HGSNAT: variants seen among roughly 807,000 people sequenced by gnomAD.
The protein encoded by HGSNAT is heparan-alpha-glucosaminide N-acetyltransferase.
HGSNAT carries 59 observed loss-of-function variants against 85.2 expected under a neutral mutation model. The observed-to-expected ratio is 0.69, with a 90% confidence interval of 0.56 to 0.86. The LOEUF is 0.86. Among genes scored for constraint, HGSNAT ranks in the 40% least tolerant of loss-of-function variants. HGSNAT has a pLI of 0.00. For missense variants in HGSNAT, 756 were observed against 777.1 expected (o/e 0.97, Z 0.32); for synonymous variants, 321 against 304.5 (o/e 1.05, Z -0.56).
At position 43,158,625 on chromosome 8, in the gene HGSNAT, G is replaced by A. The variant is rs752466254; in HGVS notation, c.285G>A (p.Lys95=). The A allele has an allele frequency of 1.1e-5, 18 of 1,613,878 alleles. No homozygotes were observed. The highest frequency in any genetic ancestry group is 1.6e-4 in the Middle Eastern group (1 of 6,084). Residue 95 remains lysine (K), a synonymous_variant, in exon 3 of 18, where the codon AAG becomes AAA. Coordinates refer to ENST00000379644, the MANE Select transcript of HGSNAT (RefSeq NM_152419.3). ...TTCCTCAGAGTCCAAAAGCAGGGAA[G>A]CCTAGTGCTGCAGCTGCCTCTGTCA... ...VNVPQSPKAG[K]PSAAAASVST... is the part of the protein sequence containing the mutation.
In HGSNAT at chr8:43,158,720, C is replaced by T. The variant is rs1180753142; in HGVS notation, c.371+9C>T. On this transcript the variant is annotated intron_variant, in intron 3 of 17. Transcript: ENST00000379644. ...GAGAAAGAAGTTTGTAGGTTTGTGC[C>T]TGCTTTGTTGTGATCTAAGTGAAGT... 2 of 1,594,338 alleles carry T rather than the reference C, an allele frequency of 1.3e-6. No homozygotes were observed.
intron 1 of HGSNAT, among the ~76,000 whole-genome samples, 162 bp downstream of exon 1, chr8:43,140,776 A>G (rs1490207548): frequency 1.3e-5 from 2 of 151,866 alleles, no homozygotes; most frequent in Admixed American, 6.6e-5. Context: ...CGCGCCCCAG[A>G]CCGGAGGCCG....
At position 43,178,139 on chromosome 8, in the gene HGSNAT, C is replaced by A; in HGVS notation, c.917C>A (p.Ser306Ter). 1 of 1,607,246 alleles carries A rather than the reference C, an allele frequency of 6.2e-7. No individual in the cohort carries two copies. The change falls in exon 10 of 18, where the codon TCA (serine) becomes TAA (stop). Residue 306 changes from serine (S) to a stop codon, truncating the protein, a stop_gained. Coordinates refer to ENST00000379644, the MANE Select transcript of HGSNAT (RefSeq NM_152419.3). LOFTEE classifies it high-confidence loss of function. ...ACTTCTATACTGCAACGGGGGTGTT[C>A]AAAATTCAGATTGCTGGGGAAGATT... Reference protein sequence around the residue: ...SMTSILQRGCSKFRLLGKIAW... With the variant: ...SMTSILQRGC
At chr8:43,172,263 T>G in intron 7 of HGSNAT, 47 bp from the exon 8 acceptor site, 2 of 1,369,886 alleles carry the variant, frequency 1.5e-6, no homozygotes, top group African/African-American at 1.4e-5. Flanking sequence ...GCCCTTCCTT[T>G]TCACATAGCA....
intron 5 of HGSNAT, among the ~76,000 whole-genome samples, chr8:43,161,972 G>A (rs1441457613): frequency 2.0e-5 from 3 of 152,216 alleles, no homozygotes; most frequent in African/African-American, 4.8e-5. Context: ...TCTGGACCTC[G>A]CACGGACTCC....
At chr8:43,144,032 T>G (rs1369264210) in intron 1 of HGSNAT, among the ~76,000 whole-genome samples, 2 of 152,078 alleles carry the variant, frequency 1.3e-5, no homozygotes, top group African/African-American at 4.8e-5. Context: ...AAGATTTTAC[T>G]CTTGGGCCCG....
Position 43,158,731 on chromosome 8 carries a change from T to C in HGSNAT, c.371+20T>C. ...TTGTAGGTTTGTGCCTGCTTTGTTG[T>C]GATCTAAGTGAAGTCTGCATTTTCT... On this transcript the variant is annotated intron_variant, in intron 3 of 17. Coordinates refer to ENST00000379644, the MANE Select transcript of HGSNAT (RefSeq NM_152419.3). The C allele has an allele frequency of 6.4e-7, 1 of 1,568,274 alleles. No individual in the cohort carries two copies. The highest frequency in any genetic ancestry group is 8.6e-7 in the Non-Finnish European group (1 of 1,161,238).
rs776299194 is a variant in HGSNAT, at chr8:43,161,426, C to T, written c.494-12C>T. ...TTTTTGGGGGCTAATGTGTTTTCTT[C>T]TCTTTTTCTAGCTGTGAGCATTGCA... On this transcript the variant is annotated splice_polypyrimidine_tract_variant and intron_variant, in intron 4 of 17. Coordinates refer to ENST00000379644, the MANE Select transcript of HGSNAT (RefSeq NM_152419.3). 6.2e-7 allele frequency: 1 copy of T among 1,610,998 alleles called. No homozygotes were observed. Among genetic ancestry groups the T allele is most frequent in the Non-Finnish European group, 8.5e-7 (1 of 1,177,824 alleles).
At chr8:43,162,127 G>C (rs1803285840) in intron 5 of HGSNAT, among the ~76,000 whole-genome samples, 1 of 152,186 alleles carries the variant, frequency 6.6e-6, no homozygotes, top group Non-Finnish European at 1.5e-5. Flanking sequence ...TCAAAGGAAA[G>C]TTTTTTTCAT....
chr8:43,187,105 G>GA, intron 11 of HGSNAT, among the ~76,000 whole-genome samples: 1 of 152,320 alleles, frequency 6.6e-6, no homozygotes, highest in South Asian at 2.1e-4. Flanking sequence ...GTGCTGAGAA[G>GA]AATGTATATT....
intron 2 of HGSNAT, among the ~76,000 whole-genome samples, chr8:43,153,038 T>C (rs2130698822): frequency 6.6e-6 from 1 of 151,752 alleles, no homozygotes; most frequent in Non-Finnish European, 1.5e-5. Flanking sequence ...CCGACAACCA[T>C]GCTTGACTAG....
In HGSNAT at chr8:43,169,166, T is replaced by C. The variant is rs1353507049; in HGVS notation, c.564-7T>C. ...ATAAATTAATTGAGCCCTTTATTTA[T>C]TTTCAGTTTGGATGACTTTAACAAT... On this transcript the variant is annotated splice_polypyrimidine_tract_variant and splice_region_variant and intron_variant, in intron 5 of 17. Transcript: ENST00000379644. The C allele has an allele frequency of 6.6e-7, 1 of 1,522,324 alleles. No homozygotes were observed. The highest frequency in any genetic ancestry group is 8.8e-7 in the Non-Finnish European group (1 of 1,130,188). The allele number at this position is 1,522,324 out of a possible 1,614,324, so 94.3% of individuals were successfully genotyped here. A position where few individuals can be genotyped will look rare whatever the true frequency, so the allele number is the denominator to read the frequency against.
chr8:43,182,292 T>A (rs761084514), intron 11 of HGSNAT, 32 bp downstream of exon 11: 3 of 1,519,910 alleles, frequency 2.0e-6, no homozygotes, highest in Non-Finnish European at 1.8e-6. Context: ...AAGAAAAACT[T>A]TTTTTAAATT....
At chr8:43,146,745 A>ATG (rs1205645054) in intron 1 of HGSNAT, among the ~76,000 whole-genome samples, 1 of 151,576 alleles carries the variant, frequency 6.6e-6, no homozygotes, top group Non-Finnish European at 1.5e-5. Flanking sequence ...ACATGCATGC[A>ATG]TGTGTGTGTG....
intron 6 of HGSNAT, among the ~76,000 whole-genome samples, chr8:43,169,501 A>G (rs1334358802): frequency 1.3e-5 from 2 of 152,242 alleles, no homozygotes; most frequent in African/African-American, 4.8e-5. Context: ...TGCAGGCAGC[A>G]TTGTTGAATC....
At chr8:43,190,948 C>G (rs1804507144) in intron 11 of HGSNAT, among the ~76,000 whole-genome samples, 1 of 152,154 alleles carries the variant, frequency 6.6e-6, no homozygotes, top group South Asian at 2.1e-4. Flanking sequence ...CCCCAGCCTA[C>G]TTGTTGTCTC....
At position 43,173,954 on chromosome 8, in the gene HGSNAT, G is replaced by A. The variant is rs917697653; in HGVS notation, c.851+211G>A. On this transcript the variant is annotated intron_variant, in intron 9 of 17. Coordinates refer to ENST00000379644, the MANE Select transcript of HGSNAT (RefSeq NM_152419.3). ...TTTGGGGCCGGGCGCGGTGGCTCAC[G>A]CCTGTAATCCTAGCACTTTGGGAGG... 1.1e-5 allele frequency: 5 copies of A among 443,022 alleles called. No homozygotes were observed. The East Asian group carries it at 1.7e-4, about 15-fold the overall frequency. 27.4% of individuals were successfully genotyped at this position (443,022 alleles called of 1,614,324 possible). A position where few individuals can be genotyped will look rare whatever the true frequency, so the allele number is the denominator to read the frequency against.
intron 9 of HGSNAT, among the ~76,000 whole-genome samples, chr8:43,175,030 G>A (rs375512282): frequency 3.2e-5 from 3 of 93,220 alleles, no homozygotes; most frequent in East Asian, 3.1e-4. Context: ...TAATGTCCTC[G>A]AGTTCCATCC....
intron 7 of HGSNAT, among the ~76,000 whole-genome samples, chr8:43,171,040 G>T (rs114976180): frequency 6.6e-6 from 1 of 152,264 alleles, no homozygotes; most frequent in African/African-American, 2.4e-5. Flanking sequence ...CTCAGAAGAT[G>T]CACTAGTCTA....
Sources: allele counts gnomAD v4.1 joint callset (sites outside exome capture counted in the v4.1 genomes callset), GRCh38; gene constraint gnomAD v4.1.1; transcripts MANE v1.5; gene names NCBI Gene and HGNC (gene_info 2026-07-23, HGNC 2026-07-21).